TNPO1: variants seen among roughly 807,000 people sequenced by gnomAD.
TNPO1 encodes the protein transportin-1.
TNPO1 carries 8 observed loss-of-function variants against 119.5 expected under a neutral mutation model. The ratio of observed to expected loss-of-function variants is 0.07; its 90% CI spans 0.04 to 0.12. The LOEUF (loss-of-function observed/expected upper bound fraction) is 0.12, where lower values mean the gene tolerates loss of function less well. Ranked by LOEUF, TNPO1 falls within the 10% of genes least tolerant of loss-of-function variation. TNPO1 has a pLI of 1.00. For synonymous variants in TNPO1, 362 were observed against 363.0 expected (o/e 1.00, Z 0.03); for missense variants, 576 against 1,089.8 (o/e 0.53, Z 6.64).
chr5:72,845,539 C>A (rs1323169377), intron 1 of TNPO1, among the ~76,000 whole-genome samples: 1 of 152,102 alleles, frequency 6.6e-6, no homozygotes, highest in African/African-American at 2.4e-5. Context: ...TAGATTTTAT[C>A]ACACTTTTTA....
At chr5:72,886,726 G>A (rs1275510989) in intron 11 of TNPO1, among the ~76,000 whole-genome samples, 6 of 151,480 alleles carry the variant, frequency 4.0e-5, no homozygotes, top group Admixed American at 3.3e-4. Flanking sequence ...GTGAAACCCC[G>A]TCTCTCCTAA....
At chr5:72,894,468 A>C (rs545588667) in intron 18 of TNPO1, among the ~76,000 whole-genome samples, 1 of 152,308 alleles carries the variant, frequency 6.6e-6, no homozygotes, top group South Asian at 2.1e-4. Context: ...TCAGGAGATC[A>C]AGACCATCCT....
At chr5:72,888,371 A>T in intron 13 of TNPO1, 68 bp downstream of exon 13, 2 of 1,360,218 alleles carry the variant, frequency 1.5e-6, no homozygotes, top group Admixed American at 3.7e-5. Flanking sequence ...CTTCTGATGG[A>T]GTGTTGGTGT....
At chr5:72,870,702 G>C (rs1747325180) in intron 6 of TNPO1, among the ~76,000 whole-genome samples, 1 of 152,132 alleles carries the variant, frequency 6.6e-6, no homozygotes. Flanking sequence ...CTGTTCCCAA[G>C]TTTCTAAAAA....
At chr5:72,828,855 G>A (rs1744323394) in intron 1 of TNPO1, among the ~76,000 whole-genome samples, 1 of 152,010 alleles carries the variant, frequency 6.6e-6, no homozygotes. Flanking sequence ...TTCTAGATGT[G>A]TATTATAACT....
At chr5:72,827,258 A>G (rs1744244502) in intron 1 of TNPO1, among the ~76,000 whole-genome samples, 1 of 152,226 alleles carries the variant, frequency 6.6e-6, no homozygotes, top group African/African-American at 2.4e-5. Flanking sequence ...AAGTTCAGAG[A>G]GATGGGCAGG....
At chr5:72,826,847 A>G (rs541132790) in intron 1 of TNPO1, among the ~76,000 whole-genome samples, 1 of 152,330 alleles carries the variant, frequency 6.6e-6, no homozygotes, top group South Asian at 2.1e-4. Context: ...GGGGACCGAG[A>G]TTAAGAGAGA....
At chr5:72,875,566 T>G (rs970686465) in intron 7 of TNPO1, 49 bp from the exon 8 acceptor site, 1 of 1,574,162 alleles carries the variant, frequency 6.4e-7, no homozygotes, top group Non-Finnish European at 8.7e-7. Flanking sequence ...ACTTATTACT[T>G]GTGTGTAAGC....
chr5:72,903,715 A>G lies in TNPO1; in HGVS notation c.2521A>G (p.Ile841Val), dbSNP rs1749947931. Residue 841 changes from isoleucine to valine, a missense_variant, in exon 23 of 25, where the codon ATA (isoleucine) becomes GTA (valine). By Grantham distance (29) the Ile-to-Val change is conservative. Coordinates refer to ENST00000337273, the MANE Select transcript of TNPO1 (RefSeq NM_002270.4). ...TATTTCTTGCTTGTTACAGGATTTTATATTTTTTTGTGATGCCGTTGCATC... is the reference window on the plus strand; with the variant it reads ...TATTTCTTGCTTGTTACAGGATTTTGTATTTTTTTGTGATGCCGTTGCATC... The part of the protein sequence containing the change: ...VNPSGVIQDF[I>V]FFCDAVASWI... 6.2e-7 allele frequency: 1 copy of G among 1,602,568 alleles called. No homozygotes were observed. The highest frequency in any genetic ancestry group is 8.5e-7 in the Non-Finnish European group (1 of 1,174,912).
rs200521874 is a variant in TNPO1, at chr5:72,893,640, A to T, written c.2080A>T (p.Ser694Cys). 1 of 1,614,232 alleles carries T rather than the reference A, an allele frequency of 6.2e-7. No homozygotes were observed. Among genetic ancestry groups the T allele is most frequent in the African/African-American group, 1.3e-5 (1 of 75,062 alleles). ...GGATAAAATGCCAGAAGTTCGACAG[A>T]GTTCTTTTGCCCTGTTAGGTGACCT... Reference protein sequence around the residue: ...MQDKMPEVRQSSFALLGDLTK... With the variant: ...MQDKMPEVRQCSFALLGDLTK... Residue 694 changes from serine to cysteine, a missense_variant, in exon 18 of 25, where the codon AGT (serine) becomes TGT (cysteine). Physicochemically the swap from Ser to Cys is moderately radical, Grantham distance 112. This residue lies in a region of TNPO1 where 162 missense variants were observed against 294.1 expected (regional missense o/e 0.55). Transcript: ENST00000337273.
At chr5:72,868,161 G>C (rs570426619) in intron 6 of TNPO1, among the ~76,000 whole-genome samples, 1 of 151,950 alleles carries the variant, frequency 6.6e-6, no homozygotes, top group East Asian at 1.9e-4. Flanking sequence ...GGCCGGGCGC[G>C]GTGGCTCACG....
At position 72,888,319 on chromosome 5, in the gene TNPO1, AAC is replaced by A; in HGVS notation, c.1529+20_1529+21del. On this transcript the variant is annotated intron_variant, in intron 13 of 24. Coordinates refer to ENST00000337273, the MANE Select transcript of TNPO1 (RefSeq NM_002270.4). ...CTGCCTGCAGGTGGGACAGATTCAT[AAC>A]ACAGTGTTCTTTGTGGCAGTGAAAA... 4 of 1,605,034 alleles carry A rather than the reference AAC, an allele frequency of 2.5e-6. No individual in the cohort carries two copies. Among genetic ancestry groups the A allele is most frequent in the Non-Finnish European group, 2.6e-6 (3 of 1,172,100 alleles).
intron 1 of TNPO1, among the ~76,000 whole-genome samples, chr5:72,836,191 T>C (rs369970204): frequency 1.4e-3 from 214 of 152,308 alleles, no homozygotes; most frequent in African/African-American, 4.8e-3. Flanking sequence ...GGCTCTCTGC[T>C]GTATCCCCGC....
At chr5:72,833,286 G>A (rs1744558308) in intron 1 of TNPO1, among the ~76,000 whole-genome samples, 1 of 152,046 alleles carries the variant, frequency 6.6e-6, no homozygotes, top group Non-Finnish European at 1.5e-5. Context: ...GTCCCAAGAT[G>A]TTTTTGCTTT....
chr5:72,897,090 G>A lies in TNPO1; in HGVS notation c.2277G>A (p.Leu759=). The change falls in exon 20 of 25, where the codon TTG becomes TTA. Residue 759 remains leucine, a synonymous_variant. Coordinates refer to ENST00000337273, the MANE Select transcript of TNPO1 (RefSeq NM_002270.4). ...TGCAGCCTTATATTCCTATGGTGTT[G>A]CACCAGCTTGTAGAAATCATTAACA... ...IEMQPYIPMV[L]HQLVEIINRP... 2 of 1,611,800 alleles carry A rather than the reference G, an allele frequency of 1.2e-6. No homozygotes were observed. Among genetic ancestry groups the A allele is most frequent in the Non-Finnish European group, 8.5e-7 (1 of 1,179,314 alleles).
intron 1 of TNPO1, among the ~76,000 whole-genome samples, chr5:72,840,721 T>G (rs1477784459): frequency 6.6e-6 from 1 of 152,180 alleles, no homozygotes; most frequent in Non-Finnish European, 1.5e-5. Flanking sequence ...TTTGTAAACT[T>G]TAACTAGCAT....
intron 1 of TNPO1, among the ~76,000 whole-genome samples, chr5:72,826,640 G>A (rs1468219920): frequency 1.3e-5 from 2 of 152,146 alleles, no homozygotes; most frequent in East Asian, 3.9e-4. Context: ...TATGTTAAAT[G>A]TTCACCAATA....
At chr5:72,848,223 C>A in intron 1 of TNPO1, 162 bp from the exon 2 acceptor site, 2 of 1,254,402 alleles carry the variant, frequency 1.6e-6, no homozygotes. Flanking sequence ...TTTCACTGTC[C>A]GTGACTTCCT....
chr5:72,861,872 A>T lies in TNPO1; in HGVS notation c.420A>T (p.Lys140Asn), dbSNP rs759839019. Reference protein sequence around the residue: ...ELQNWPDLLPKLCSLLDSEDY... With the variant: ...ELQNWPDLLPNLCSLLDSEDY... ...AGAATTGGCCTGACCTCTTACCAAA[A>T]CTCTGTAGCCTGTTGGATTCTGAAG... Residue 140 changes from lysine to asparagine, a missense_variant, in exon 5 of 25, where the codon AAA (lysine) becomes AAT (asparagine). This residue lies in a region of TNPO1 where 310 missense variants were observed against 583.0 expected (regional missense o/e 0.53). Coordinates refer to ENST00000337273, the MANE Select transcript of TNPO1 (RefSeq NM_002270.4). 27 of 1,613,404 alleles carry T rather than the reference A, an allele frequency of 1.7e-5. No individual in the cohort carries two copies. Among genetic ancestry groups the T allele is most frequent in the Non-Finnish European group, 2.3e-5 (27 of 1,179,684 alleles).
Sources: gnomAD v4.1 joint callset for allele counts (sites outside exome capture counted in the v4.1 genomes callset) on GRCh38, gnomAD v4.1.1 for gene constraint, gnomAD v4.1.1 regional missense constraint, MANE v1.5 for transcripts, NCBI Gene and HGNC (gene_info 2026-07-23, HGNC 2026-07-21) for gene names.